FRMD3: variants seen among roughly 807,000 people sequenced by gnomAD.
FRMD3 encodes the protein FERM domain containing 3.
A neutral mutation model predicts 70.2 loss-of-function variants in FRMD3; 33 were observed. That is an observed-to-expected ratio of 0.47 (90% CI 0.36 to 0.63). The LOEUF (loss-of-function observed/expected upper bound fraction) is 0.63, where lower values mean the gene tolerates loss of function less well. FRMD3 is among the 20% of genes least tolerant of loss of function. FRMD3 has a pLI of 0.00. For missense variants in FRMD3, 632 were observed against 711.4 expected, an observed-to-expected ratio of 0.89 and a Z score of 1.27; for synonymous variants, 279 against 255.9, an observed-to-expected ratio of 1.09 and a Z score of -0.86.
At chr9:83,244,291 A>G (rs904128710), downstream of FRMD3, among the ~76,000 whole-genome samples, 2 of 151,716 alleles carry the variant, frequency 1.3e-5, no homozygotes, top group Admixed American at 6.6e-5. Context: ...AATTTCTAGC[A>G]CTCTGAAATC....
chr9:83,309,685 GTTT>G, intron 9 of FRMD3, 61 bp from the exon 10 acceptor site: 1 of 874,506 alleles, frequency 1.1e-6, no homozygotes, highest in Non-Finnish European at 1.7e-6. Context: ...TTTTCCATGG[GTTT>G]TTTTTTTTCA....
intron 1 of FRMD3, among the ~76,000 whole-genome samples, chr9:83,488,972 T>TTGTATGTGTG: frequency 7.4e-6 from 1 of 135,640 alleles, no homozygotes; most frequent in East Asian, 2.0e-4. Flanking sequence ...CCCTATACCT[T>TTGTATGTGTG]TGTGTGTGTG....
intron 1 of FRMD3, among the ~76,000 whole-genome samples, chr9:83,445,791 A>G (rs560047550): frequency 4.3e-4 from 65 of 152,324 alleles, no homozygotes; most frequent in African/African-American, 1.4e-3. Flanking sequence ...CTTGTAAGTG[A>G]AAAGGCTACT....
At chr9:83,309,413 A>C in intron 10 of FRMD3, 123 bp downstream of exon 10, 1 of 624,744 alleles carries the variant, frequency 1.6e-6, no homozygotes, top group Non-Finnish European at 2.8e-6. Context: ...ACAAAATTTT[A>C]ATTTACTTAA....
At chr9:83,357,032 C>T (rs888547848) in intron 3 of FRMD3, among the ~76,000 whole-genome samples, 2 of 150,668 alleles carry the variant, frequency 1.3e-5, no homozygotes, top group Non-Finnish European at 3.0e-5. Flanking sequence ...TTAGAGTCTT[C>T]AATTCCTGCA....
chr9:83,569,483 C>T, the FRMD3 span, among the ~76,000 whole-genome samples: 2 of 152,214 alleles, frequency 1.3e-5, no homozygotes, highest in African/African-American at 4.8e-5. Context: ...CGGGGACTTG[C>T]CACCCAGTGC....
chr9:83,297,053 A>G (rs1156303208), intron 12 of FRMD3, among the ~76,000 whole-genome samples: 1 of 152,212 alleles, frequency 6.6e-6, no homozygotes, highest in African/African-American at 2.4e-5. Context: ...AAATTATTCA[A>G]ACCAAAATTT....
intron 1 of FRMD3, among the ~76,000 whole-genome samples, chr9:83,453,997 G>A (rs1827745306): frequency 6.6e-6 from 1 of 152,116 alleles, no homozygotes; most frequent in African/African-American, 2.4e-5. Flanking sequence ...TTACAGGTGT[G>A]AGCCACCGCG....
intron 13 of FRMD3, among the ~76,000 whole-genome samples, chr9:83,282,955 A>C (rs1306262967): frequency 6.6e-6 from 1 of 152,156 alleles, no homozygotes; most frequent in Admixed American, 6.5e-5. Context: ...CACAGTAAAC[A>C]CTCAAAATTT....
In FRMD3 at chr9:83,245,263, A is replaced by ATATC; in HGVS notation, c.*2651_*2654dup. ...TACTCACACACTTGCTTTAAACTCT[A>ATATC]TATCTCACTCTATAATATACTGTCC... On this transcript the variant is annotated 3_prime_UTR_variant, in exon 14 of 14. Coordinates refer to ENST00000304195, the MANE Select transcript of FRMD3 (RefSeq NM_174938.6). 1 of 985,316 alleles carries ATATC rather than the reference A, an allele frequency of 1.0e-6. No individual in the cohort carries two copies. Among genetic ancestry groups the ATATC allele is most frequent in the South Asian group, 4.7e-5 (1 of 21,290 alleles). The allele number at this position is 985,316 out of a possible 1,614,324, so 61.0% of individuals were successfully genotyped here. A position where few individuals can be genotyped will look rare whatever the true frequency, so the allele number is the denominator to read the frequency against.
intron 6 of FRMD3, among the ~76,000 whole-genome samples, chr9:83,321,877 T>G (rs1464364591): frequency 1.3e-5 from 2 of 152,270 alleles, no homozygotes; most frequent in Non-Finnish European, 2.9e-5. Flanking sequence ...TGCATATATA[T>G]CTAGAATTGT....
rs181415294 is a variant in FRMD3 at position 83,335,508 on chromosome 9, G to A, written c.596+8C>T. On this transcript the variant is annotated splice_region_variant and intron_variant, in intron 6 of 13. Coordinates refer to ENST00000304195, the MANE Select transcript of FRMD3 (RefSeq NM_174938.6). ...TATCATTTTCACAAATGTCTACTCA[G>A]TAATTACCTGAGTTCATTTTTATGA... 4.4e-6 allele frequency: 7 copies of A among 1,608,348 alleles called. No individual in the cohort carries two copies. The highest frequency in any genetic ancestry group is 1.3e-5 in the African/African-American group (1 of 74,782).
chr9:83,551,160 A>C, the FRMD3 span, among the ~76,000 whole-genome samples: 2 of 152,182 alleles, frequency 1.3e-5, no homozygotes, highest in Admixed American at 1.3e-4. Context: ...TTCAATACTT[A>C]GTTTATTGAG....
intron 6 of FRMD3, among the ~76,000 whole-genome samples, chr9:83,334,744 C>T (rs1285941811): frequency 2.0e-5 from 3 of 152,102 alleles, no homozygotes; most frequent in African/African-American, 7.2e-5. Flanking sequence ...CCCAGCAGCC[C>T]ATGTAGAGTG....
chr9:83,342,565 G>A (rs1204808956), intron 5 of FRMD3, among the ~76,000 whole-genome samples: 1 of 152,186 alleles, frequency 6.6e-6, no homozygotes, highest in Non-Finnish European at 1.5e-5. Context: ...GACAGTTTAT[G>A]AGACTTGTGC....
intron 4 of FRMD3, among the ~76,000 whole-genome samples, chr9:83,346,255 C>CAAAAAAAAA (rs56163115): frequency 4.8e-5 from 3 of 62,136 alleles, no homozygotes; most frequent in Non-Finnish European, 8.7e-5. Flanking sequence ...GACGCCATCT[C>CAAAAAAAAA]AAAAAAAAAA....
At position 83,479,785 on chromosome 9, in the gene FRMD3, GGGAAGGAAGGAA is replaced by G. The variant is rs1242768755; in HGVS notation, c.147+58288_147+58299del. On this transcript the variant is annotated intron_variant, in intron 1 of 13. Coordinates refer to ENST00000304195, the MANE Select transcript of FRMD3 (RefSeq NM_174938.6). ...AGGGAGGGAGGGAGGGAGGGAGGGA[GGGAAGGAAGGAA>G]GGAAGGAAGGAAGGAAGGAAGGAAG... Among the ~76,000 whole-genome samples, 68 of 42,570 alleles carry G rather than the reference GGGAAGGAAGGAA, an allele frequency of 1.6e-3. 4 individuals carry two copies. Among genetic ancestry groups the G allele is most frequent in the African/African-American group, 2.0e-3 (15 of 7,436 alleles). 27.9% of individuals were successfully genotyped at this position (42,570 alleles called of 152,430 possible).
chr9:83,500,540 A>ACACACACACACACACACAC, intron 1 of FRMD3, among the ~76,000 whole-genome samples: 1 of 148,296 alleles, frequency 6.7e-6, no homozygotes, highest in South Asian at 2.2e-4. Context: ...ACACACACAC[A>ACACACACACACACACACAC]ATGTCAATAT....
In FRMD3 at chr9:83,335,573, G is replaced by C; in HGVS notation, c.539C>G (p.Pro180Arg). ...TCTTTCCAGCTTCTGTGACTGCTTG[G>C]GGAAAATCTCAAACTCACTGATGTA... The part of the protein sequence containing the change: ...ENYISEFEIF[P>R]KQSQKLERKI... Residue 180 changes from proline (P) to arginine (R), a missense_variant, in exon 6 of 14, where the codon CCC (proline) becomes CGC (arginine). Around this residue, in one of 3 missense-constraint regions of FRMD3, gnomAD observed 208 missense variants for 247.7 expected, o/e 0.84. Transcript: ENST00000304195. 6.2e-7 allele frequency: 1 copy of C among 1,613,010 alleles called. No individual in the cohort carries two copies. The highest frequency in any genetic ancestry group is 8.5e-7 in the Non-Finnish European group (1 of 1,179,184).
Sources: allele counts gnomAD v4.1 joint callset (sites outside exome capture counted in the v4.1 genomes callset), GRCh38; gene constraint gnomAD v4.1.1; regional missense constraint gnomAD v4.1.1; transcripts MANE v1.5; gene names NCBI Gene and HGNC (gene_info 2026-07-23, HGNC 2026-07-21).